Variants in NF1 observed in about 807,000 individuals in gnomAD.
NF1 encodes the protein neurofibromin.
In NF1, 122 loss-of-function variants were observed where a neutral mutation model predicts 325.7. The ratio of observed to expected loss-of-function variants is 0.37; its 90% CI spans 0.32 to 0.44. NF1 has a LOEUF of 0.44. NF1 is among the 20% of genes least tolerant of loss of function. The pLI is 1.00. For missense variants in NF1, 2,140 were observed against 3,415.4 expected, an observed-to-expected ratio of 0.63 and a Z score of 9.31; for synonymous variants, 1,091 against 1,186.0, an observed-to-expected ratio of 0.92 and a Z score of 1.65.
intron 1 of NF1, among the ~76,000 whole-genome samples, chr17:31,141,495 T>C (rs541843401): frequency 3.3e-4 from 50 of 152,220 alleles, no homozygotes; most frequent in Admixed American, 3.0e-3. Flanking sequence ...TTAAATGTTA[T>C]CCTTTCTGTA....
At chr17:31,173,830 T>C (rs1250009153) in intron 5 of NF1, among the ~76,000 whole-genome samples, 1 of 152,220 alleles carries the variant, frequency 6.6e-6, no homozygotes, top group Non-Finnish European at 1.5e-5. Context: ...AACTGAAAGA[T>C]ACTTTGGCTT....
chr17:31,298,857 TACCGACC>T (rs2068518466), intron 36 of NF1, among the ~76,000 whole-genome samples: 1 of 152,134 alleles, frequency 6.6e-6, no homozygotes, highest in Non-Finnish European at 1.5e-5. Flanking sequence ...AGGGTCAATT[TACCGACC>T]ACTTAAATCT....
chr17:31,308,694 A>G (rs971763521), intron 36 of NF1, among the ~76,000 whole-genome samples: 1 of 151,780 alleles, frequency 6.6e-6, no homozygotes, highest in African/African-American at 2.4e-5. Flanking sequence ...GCATATCTGA[A>G]TCTGTCCTCA....
chr17:31,331,447 A>G (rs2069484004), intron 39 of NF1: 1 of 152,210 alleles, frequency 6.6e-6, no homozygotes, highest in Non-Finnish European at 1.5e-5. Flanking sequence ...TCTAAATTCT[A>G]CATAAAAGTG....
At position 31,100,630 on chromosome 17, in the gene NF1, C is replaced by T. The variant is rs184449408; in HGVS notation, c.60+5261C>T. On this transcript the variant is annotated intron_variant, in intron 1 of 57. Transcript: ENST00000358273. ...TGTCGCCCAGGCTGGAGTGCAGTGGCGCGATCTCAGCTCACTGCAACGTCT... is the reference window on the plus strand; with the variant it reads ...TGTCGCCCAGGCTGGAGTGCAGTGGTGCGATCTCAGCTCACTGCAACGTCT... Among the ~76,000 whole-genome samples the T allele has an allele frequency of 3.3e-3, 499 of 152,118 alleles. 3 individuals carry two copies. Among genetic ancestry groups the T allele is most frequent in the African/African-American group, 0.011 (450 of 41,506 alleles).
At chr17:31,183,646 G>C (rs1347042772) in intron 8 of NF1, among the ~76,000 whole-genome samples, 4 of 152,100 alleles carry the variant, frequency 2.6e-5, no homozygotes, top group Non-Finnish European at 5.9e-5. Context: ...ATTGATCCTG[G>C]GTGTATCTGT....
At chr17:31,251,575 C>T (rs1339848243) in intron 30 of NF1, 5 of 196,180 alleles carry the variant, frequency 2.5e-5, no homozygotes, top group African/African-American at 4.6e-5. Flanking sequence ...TGGATATTCT[C>T]GTATGGTGAG....
intron 1 of NF1, among the ~76,000 whole-genome samples, chr17:31,155,691 T>C (rs1359914512): frequency 6.6e-6 from 1 of 152,232 alleles, no homozygotes; most frequent in Non-Finnish European, 1.5e-5. Context: ...TTCTATTTTG[T>C]AGATAGAGAT....
At chr17:31,290,530 A>C (rs1463518783) in intron 36 of NF1, among the ~76,000 whole-genome samples, 4 of 152,230 alleles carry the variant, frequency 2.6e-5, no homozygotes, top group Non-Finnish European at 5.9e-5. Context: ...AAGGAAATAG[A>C]GGCACAGAAA....
intron 36 of NF1, among the ~76,000 whole-genome samples, chr17:31,290,013 G>A (rs2068315616): frequency 6.6e-6 from 1 of 151,898 alleles, no homozygotes; most frequent in African/African-American, 2.4e-5. Flanking sequence ...ATTAATCATA[G>A]TATTTTGTAT....
At chr17:31,271,332 C>T (rs773347860) in intron 36 of NF1, among the ~76,000 whole-genome samples, 1 of 151,714 alleles carries the variant, frequency 6.6e-6, no homozygotes, top group Non-Finnish European at 1.5e-5. Context: ...GCAGAATTGG[C>T]ACCTTTTCTT....
At chr17:31,306,772 G>T (rs1332167830) in intron 36 of NF1, among the ~76,000 whole-genome samples, 1 of 151,486 alleles carries the variant, frequency 6.6e-6, no homozygotes, top group Non-Finnish European at 1.5e-5. Flanking sequence ...CATTTGTGTG[G>T]AGCTCTGTTC....
intron 1 of NF1, chr17:31,138,070 A>G (rs1310129466): frequency 1.3e-5 from 2 of 152,040 alleles, no homozygotes; most frequent in Admixed American, 6.6e-5. Context: ...GAGACTCTTC[A>G]AGTCTGGAAA....
Position 31,336,779 on chromosome 17 carries a change from G to C in NF1, c.6292G>C (p.Ala2098Pro), listed in dbSNP as rs894460960. The C allele has an allele frequency of 6.2e-7, 1 of 1,614,064 alleles. No individual in the cohort carries two copies. Among genetic ancestry groups the C allele is most frequent in the East Asian group, 2.2e-5 (1 of 44,866 alleles). The stretch of plus-strand genomic sequence containing the variant: ...CTTCAACAATTCCCTTGATGTGGCA[G>C]CTCATCTTCCCTACCTCTTCCACGT... ...LSFNNSLDVA[A>P]HLPYLFHVVT... Residue 2098 changes from alanine (A) to proline (P), a missense_variant, in exon 42 of 58, where the codon GCT (alanine) becomes CCT (proline). Around this residue, in one of 10 missense-constraint regions of NF1, gnomAD observed 180 missense variants for 435.1 expected, o/e 0.41. Coordinates refer to ENST00000358273, the MANE Select transcript of NF1 (RefSeq NM_001042492.3). The surrounding 1 kb of genome is among the most constrained non-coding windows in gnomAD (Gnocchi z 5.5).
At chr17:31,307,898 A>G (rs1322579086) in intron 36 of NF1, 2 of 1,289,268 alleles carry the variant, frequency 1.6e-6, no homozygotes, top group African/African-American at 1.5e-5. Flanking sequence ...TTTTCAGCAT[A>G]TCTAAACAGC....
At chr17:31,282,805 G>A (rs1328930829) in intron 36 of NF1, among the ~76,000 whole-genome samples, 1 of 152,046 alleles carries the variant, frequency 6.6e-6, no homozygotes, top group African/African-American at 2.4e-5. Context: ...GAGTCATATG[G>A]TACCTCAGTG....
intron 8 of NF1, among the ~76,000 whole-genome samples, chr17:31,192,737 G>C (rs1294098538): frequency 1.3e-5 from 2 of 152,172 alleles, no homozygotes; most frequent in Non-Finnish European, 2.9e-5. Flanking sequence ...GGTATGGCAA[G>C]GAAATATATT....
intron 57 of NF1, among the ~76,000 whole-genome samples, chr17:31,365,219 A>G (rs1459817622): frequency 7.2e-6 from 1 of 138,836 alleles, no homozygotes; most frequent in Non-Finnish European, 1.5e-5. Context: ...GGAGAGGTCA[A>G]GGCTGTGGTG....
At position 31,321,285 on chromosome 17, in the gene NF1, C is replaced by G. The variant is rs147060992; in HGVS notation, c.4836-4535C>G. On this transcript the variant is annotated intron_variant, in intron 36 of 57. Transcript: ENST00000358273. ...AAACCAAACTTAGATCCTTCGTAAT[C>G]CTAATTTAAAACTCCATGGCGATGG... Among the ~76,000 whole-genome samples, 312 of 152,204 alleles carry G rather than the reference C, an allele frequency of 2.0e-3. 1 individual carries two copies. The highest frequency in any genetic ancestry group is 3.9e-3 in the South Asian group (19 of 4,822).
Sources: allele counts gnomAD v4.1 joint callset (sites outside exome capture counted in the v4.1 genomes callset), GRCh38; gene constraint gnomAD v4.1.1; regional missense constraint gnomAD v4.1.1; non-coding constraint Gnocchi (gnomAD v3.1); transcripts MANE v1.5; gene names NCBI Gene and HGNC (gene_info 2026-07-23, HGNC 2026-07-21).